Variants in ATXN8OS observed in about 807,000 individuals in gnomAD.
ATXN8OS encodes ATXN8 opposite strand lncRNA.
At chr13:70,163,757 TTA>T (rs999061417) in intron 4 of ATXN8OS, among the ~76,000 whole-genome samples, 2 of 151,806 alleles carry the variant, frequency 1.3e-5, no homozygotes, top group African/African-American at 4.8e-5. Flanking sequence ...AGGTTAAAAT[TTA>T]TATAAATTTC....
chr13:70,170,060 G>A (rs9542200), exon 5 of ATXN8OS, among the ~76,000 whole-genome samples: 5 of 152,196 alleles, frequency 3.3e-5, no homozygotes, highest in Non-Finnish European at 5.9e-5. Context: ...AGAAAGCATC[G>A]ACTACACTCA....
At chr13:70,120,011 C>T (rs1593758103) in intron 2 of ATXN8OS, among the ~76,000 whole-genome samples, 1 of 151,968 alleles carries the variant, frequency 6.6e-6, no homozygotes, top group Non-Finnish European at 1.5e-5. Flanking sequence ...TTTTGACAGA[C>T]AGTAGTAGTT....
chr13:70,133,630 A>G lies in ATXN8OS; in HGVS notation n.499+3746A>G, dbSNP rs113185468. Among the ~76,000 whole-genome samples the G allele has an allele frequency of 1.7e-3, 254 of 152,288 alleles. 1 individual carries two copies. The highest frequency in any genetic ancestry group is 5.8e-3 in the African/African-American group (239 of 41,552). ...CCAATTCCATATGACTGCTATTCTT[A>G]TAAGATGAGAAAACAGAAACACAGA... On this transcript the variant is annotated intron_variant and non_coding_transcript_variant, in intron 3 of 4. Transcript: ENST00000678624.
chr13:70,139,371 ACTACTACTACTACTGCTGCTGCTG>A, intron 3 of ATXN8OS: 1 of 643,242 alleles, frequency 1.6e-6, no homozygotes, highest in Non-Finnish European at 2.6e-6. Flanking sequence ...TACTACTACT[ACTACTACTACTACTGCTGCTGCTG>A]CTGCTGCTGC....
exon 1 of ATXN8OS, chr13:70,107,787 G>C (rs555272767): frequency 9.6e-7 from 1 of 1,043,154 alleles, no homozygotes; most frequent in African/African-American, 1.6e-5. Context: ...CCCGGGGGCG[G>C]AGGAAGAGGC....
intron 2 of ATXN8OS, chr13:70,129,662 T>A (rs1888499463): frequency 2.5e-6 from 1 of 395,876 alleles, no homozygotes; most frequent in African/African-American, 2.1e-5. Flanking sequence ...ATGTTTAAAG[T>A]TCATTTAGAA....
At chr13:70,152,274 T>A (rs1266296164) in intron 4 of ATXN8OS, among the ~76,000 whole-genome samples, 1 of 152,138 alleles carries the variant, frequency 6.6e-6, no homozygotes, top group East Asian at 1.9e-4. Context: ...CCCATCTAAG[T>A]ACCCTATACT....
chr13:70,144,065 T>C (rs1193766443), intron 3 of ATXN8OS, among the ~76,000 whole-genome samples: 6 of 152,168 alleles, frequency 3.9e-5, no homozygotes, highest in Non-Finnish European at 7.4e-5. Context: ...AAATTGGGAC[T>C]ACTGTGGTGA....
chr13:70,143,164 T>G (rs1204660625), intron 3 of ATXN8OS, among the ~76,000 whole-genome samples: 1 of 152,220 alleles, frequency 6.6e-6, no homozygotes, highest in Non-Finnish European at 1.5e-5. Context: ...ACCAACTTGC[T>G]GATAAAATAA....
chr13:70,170,664 T>A (rs2137510422), exon 5 of ATXN8OS, among the ~76,000 whole-genome samples: 1 of 152,270 alleles, frequency 6.6e-6, no homozygotes. Flanking sequence ...AAATAATAAG[T>A]GTGAAAACAA....
Position 70,142,948 on chromosome 13 carries a change from C to T in ATXN8OS, n.500-4407C>T, listed in dbSNP as rs535744591. ...ATTAGTCTGGTGTGGTGGCACACGC[C>T]TGTAATCCTAGTTACTCAGGAGGCT... On this transcript the variant is annotated intron_variant and non_coding_transcript_variant, in intron 3 of 4. Coordinates refer to ENST00000678624, the Ensembl canonical transcript of ATXN8OS. Among the ~76,000 whole-genome samples the T allele has an allele frequency of 2.6e-5, 4 of 152,102 alleles. No individual in the cohort carries two copies. The South Asian group carries it at 8.3e-4, about 32-fold the overall frequency.
At chr13:70,168,901 C>T (rs888285284) in intron 4 of ATXN8OS, among the ~76,000 whole-genome samples, 1 of 152,062 alleles carries the variant, frequency 6.6e-6, no homozygotes, top group East Asian at 1.9e-4. Flanking sequence ...CTGCACTGTT[C>T]TTTTGTATGT....
intron 4 of ATXN8OS, among the ~76,000 whole-genome samples, chr13:70,165,889 T>C (rs1421108949): frequency 2.6e-5 from 4 of 152,044 alleles, no homozygotes; most frequent in Admixed American, 2.6e-4. Flanking sequence ...CAATGAATAA[T>C]GGTGTCTGCA....
At chr13:70,107,649 G>C (rs145049894), upstream of ATXN8OS, 22 of 1,551,342 alleles carry the variant, frequency 1.4e-5, no homozygotes, top group Admixed American at 6.1e-5. Flanking sequence ...GTTTCCAGCG[G>C]AGTCGCAGAA....
intron 3 of ATXN8OS, among the ~76,000 whole-genome samples, chr13:70,133,203 C>T (rs898117568): frequency 2.0e-5 from 3 of 152,060 alleles, no homozygotes; most frequent in Non-Finnish European, 2.9e-5. Flanking sequence ...GCCAGGATTT[C>T]GAGAGCAGCC....
intron 3 of ATXN8OS, among the ~76,000 whole-genome samples, chr13:70,144,796 T>A (rs1324761958): frequency 6.6e-6 from 1 of 152,156 alleles, no homozygotes; most frequent in African/African-American, 2.4e-5. Context: ...CCCACTCCTA[T>A]GTTTTCTTCC....
intron 3 of ATXN8OS, chr13:70,130,597 T>A (rs1477504105): frequency 7.6e-6 from 3 of 397,144 alleles, no homozygotes; most frequent in African/African-American, 4.1e-5. Context: ...TGGGTGTGAG[T>A]TGTGGGAGAG....
At chr13:70,169,158 T>G (rs1208935086) in intron 4 of ATXN8OS, among the ~76,000 whole-genome samples, 1 of 152,150 alleles carries the variant, frequency 6.6e-6, no homozygotes, top group African/African-American at 2.4e-5. Context: ...TGTTACATAA[T>G]TAATAGACAA....
At chr13:70,149,204 C>T (rs906236528) in intron 4 of ATXN8OS, among the ~76,000 whole-genome samples, 108 of 152,112 alleles carry the variant, frequency 7.1e-4, no homozygotes, top group Non-Finnish European at 2.6e-4. Flanking sequence ...AGAACGAGAA[C>T]GACTCATGTT....
Sources: gnomAD v4.1 joint callset for allele counts (sites outside exome capture counted in the v4.1 genomes callset) on GRCh38, gnomAD v4.1.1 for gene constraint, MANE v1.5 for transcripts, NCBI Gene and HGNC (gene_info 2026-07-23, HGNC 2026-07-21) for gene names.